EED: variants seen among roughly 807,000 people sequenced by gnomAD.
EED encodes the protein polycomb protein EED.
A neutral mutation model predicts 61.0 loss-of-function variants in EED; 9 were observed. The ratio of observed to expected loss-of-function variants is 0.15; its 90% CI spans 0.09 to 0.26. The LOEUF is 0.26. Among genes scored for constraint, EED ranks in the 10% least tolerant of loss-of-function variants. The pLI, the probability that EED is intolerant of heterozygous loss-of-function variation, is 1.00. For synonymous variants in EED, 187 were observed against 174.4 expected (o/e 1.07, Z -0.57); for missense variants, 315 against 542.3 (o/e 0.58, Z 4.16).
chr11:86,246,787 A>G (rs1173204113), intron 1 of EED, among the ~76,000 whole-genome samples: 2 of 152,158 alleles, frequency 1.3e-5, no homozygotes, highest in African/African-American at 4.8e-5. Flanking sequence ...GATCCAAGTG[A>G]TAGGTTAAAA....
intron 9 of EED, among the ~76,000 whole-genome samples, chr11:86,275,414 A>C (rs1287076089): frequency 6.6e-6 from 1 of 152,202 alleles, no homozygotes; most frequent in Non-Finnish European, 1.5e-5. Context: ...CATCGGACTC[A>C]CTAGGAGAAT....
At position 86,263,671 on chromosome 11, in the gene EED, G is replaced by A. The variant is rs534451904; in HGVS notation, c.635-501G>A. The stretch of plus-strand genomic sequence containing the variant: ...GCTGGGGTTACAAGCATGAGCCACC[G>A]TACCTGACTGGGTGATTTATAATGA... On this transcript the variant is annotated intron_variant, in intron 6 of 11. Transcript: ENST00000263360. Among the ~76,000 whole-genome samples, 270 of 152,108 alleles carry A rather than the reference G, an allele frequency of 1.8e-3. 1 individual carries two copies. Among genetic ancestry groups the A allele is most frequent in the Non-Finnish European group, 3.2e-3 (221 of 68,030 alleles).
chr11:86,284,892 A>T, the EED span, among the ~76,000 whole-genome samples: 3 of 151,472 alleles, frequency 2.0e-5, no homozygotes, highest in Admixed American at 6.6e-5. Context: ...TGGGCGGATC[A>T]TCTGAGGTCA....
At chr11:86,275,924 T>G (rs1946218173) in intron 9 of EED, among the ~76,000 whole-genome samples, 1 of 152,182 alleles carries the variant, frequency 6.6e-6, no homozygotes, top group South Asian at 2.1e-4. Flanking sequence ...CTCCCTAATC[T>G]TCAAGTGGCC....
At chr11:86,257,464 A>C (rs1355097112) in intron 5 of EED, 51 bp from the exon 6 acceptor site, 1 of 1,462,386 alleles carries the variant, frequency 6.8e-7, no homozygotes, top group Non-Finnish European at 9.3e-7. Flanking sequence ...TATGAAAAAA[A>C]ATTTACTGAT....
At chr11:86,283,618 A>G (rs1946348592), downstream of EED, among the ~76,000 whole-genome samples, 1 of 152,232 alleles carries the variant, frequency 6.6e-6, no homozygotes, top group Non-Finnish European at 1.5e-5. Context: ...TGACGAGGTG[A>G]ATATGAGAGG....
chr11:86,246,813 C>T (rs1418660745), intron 1 of EED, among the ~76,000 whole-genome samples: 1 of 152,162 alleles, frequency 6.6e-6, no homozygotes, highest in Non-Finnish European at 1.5e-5. Context: ...GTTCTATTAG[C>T]TTGACCTCGA....
At chr11:86,262,255 A>C (rs1945851909) in intron 6 of EED, among the ~76,000 whole-genome samples, 1 of 151,982 alleles carries the variant, frequency 6.6e-6, no homozygotes, top group Non-Finnish European at 1.5e-5. Context: ...TTTAATTACA[A>C]ATTTCACCTT....
chr11:86,245,256 G>C lies in EED; in HGVS notation c.27G>C (p.Ala9=). 2 of 1,613,462 alleles carry C rather than the reference G, an allele frequency of 1.2e-6. No individual in the cohort carries two copies. The highest frequency in any genetic ancestry group is 1.7e-6 in the Non-Finnish European group (2 of 1,179,918). ...TGTCCGAGAGGGAAGTGTCGACTGC[G>C]CCGGCGGGAACAGACATGCCTGCGG... MSEREVST[A]PAGTDMPAAK... The change falls in exon 1 of 12, where the codon GCG becomes GCC. Residue 9 remains alanine, a synonymous_variant. Coordinates refer to ENST00000263360, the MANE Select transcript of EED (RefSeq NM_003797.5).
intron 8 of EED, 53 bp from the exon 9 acceptor site, chr11:86,268,403 G>T: frequency 8.5e-7 from 1 of 1,179,218 alleles, no homozygotes. Flanking sequence ...AAAAGAGTAT[G>T]ATTCTACTAT....
intron 9 of EED, among the ~76,000 whole-genome samples, chr11:86,270,466 C>T (rs1463600872): frequency 1.3e-5 from 2 of 150,928 alleles, no homozygotes; most frequent in African/African-American, 4.9e-5. Context: ...TGTAGCTTGT[C>T]ATTTCATCCT....
At chr11:86,259,197 C>T (rs969743152) in intron 6 of EED, among the ~76,000 whole-genome samples, 3 of 126,108 alleles carry the variant, frequency 2.4e-5, no homozygotes, top group Non-Finnish European at 5.6e-5. Context: ...CCTGGTCTTC[C>T]TCTATTGTGT....
At chr11:86,250,571 C>A in intron 2 of EED, 123 bp downstream of exon 2, 1 of 1,150,370 alleles carries the variant, frequency 8.7e-7, no homozygotes, top group Non-Finnish European at 1.1e-6. Context: ...ACAATGTTTT[C>A]TGAAGGGTTT....
chr11:86,260,160 CACAG>C (rs1220062783), intron 6 of EED, among the ~76,000 whole-genome samples: 8 of 152,184 alleles, frequency 5.3e-5, no homozygotes, highest in Non-Finnish European at 1.0e-4. Context: ...CATTTATATT[CACAG>C]ACAGAATGAA....
At chr11:86,262,128 C>T (rs139258087) in intron 6 of EED, among the ~76,000 whole-genome samples, 1 of 152,178 alleles carries the variant, frequency 6.6e-6, no homozygotes, top group East Asian at 1.9e-4. Context: ...ATGATCCTTC[C>T]ACCTCAGCCT....
chr11:86,272,787 A>G (rs554422914), intron 9 of EED, among the ~76,000 whole-genome samples: 45 of 152,108 alleles, frequency 3.0e-4, no homozygotes, highest in Non-Finnish European at 1.0e-4. Flanking sequence ...TAGATGATAT[A>G]GTTGGGTCAT....
chr11:86,257,433 T>A (rs1945708271), intron 5 of EED, 82 bp from the exon 6 acceptor site: 1 of 1,125,798 alleles, frequency 8.9e-7, no homozygotes, highest in Admixed American at 2.8e-5. Flanking sequence ...AGTGAAACTA[T>A]TTTTACATTC....
intron 2 of EED, among the ~76,000 whole-genome samples, chr11:86,251,595 C>CT (rs1945532571): frequency 6.6e-6 from 1 of 152,152 alleles, no homozygotes; most frequent in African/African-American, 2.4e-5. Flanking sequence ...CTCCTATAGC[C>CT]TCCTGGTAAC....
At chr11:86,259,885 T>C (rs1945783802) in intron 6 of EED, among the ~76,000 whole-genome samples, 1 of 152,192 alleles carries the variant, frequency 6.6e-6, no homozygotes, top group Admixed American at 6.5e-5. Flanking sequence ...ATCAGAGCCC[T>C]CTCAGACACT....
Sources: gnomAD v4.1 joint callset for allele counts (sites outside exome capture counted in the v4.1 genomes callset) on GRCh38, gnomAD v4.1.1 for gene constraint, MANE v1.5 for transcripts, NCBI Gene and HGNC (gene_info 2026-07-23, HGNC 2026-07-21) for gene names.